The following ZNF143 variants were observed in gnomAD, a reference collection of about 807,000 sequenced individuals.
The protein encoded by ZNF143 is SPH-binding factor.
ZNF143 carries 49 observed loss-of-function variants against 74.1 expected under a neutral mutation model. The observed-to-expected ratio is 0.66, with a 90% confidence interval of 0.53 to 0.84. The LOEUF (loss-of-function observed/expected upper bound fraction) is 0.84, where lower values mean the gene tolerates loss of function less well. ZNF143 is among the 40% of genes least tolerant of loss of function. The probability of loss-of-function intolerance (pLI) is 0.00; values close to 1 mark genes in which losing one functional copy is unlikely to be tolerated. For synonymous variants in ZNF143, 304 were observed against 282.8 expected, an observed-to-expected ratio of 1.07 and a Z score of -0.75; for missense variants, 637 against 793.4, an observed-to-expected ratio of 0.80 and a Z score of 2.37.
At chr11:9,522,008 G>A (rs1848947570) in intron 14 of ZNF143, among the ~76,000 whole-genome samples, 1 of 148,696 alleles carries the variant, frequency 6.7e-6, no homozygotes, top group Admixed American at 6.8e-5. Flanking sequence ...AGAGGTTGCA[G>A]TGAACTGAGG....
intron 5 of ZNF143, among the ~76,000 whole-genome samples, chr11:9,475,830 G>C (rs1217205441): frequency 6.6e-6 from 1 of 151,990 alleles, no homozygotes; most frequent in Non-Finnish European, 1.5e-5. Context: ...CCAGGAGGTA[G>C]AGGTTGCAGT....
chr11:9,473,258 G>A (rs1856689473), intron 3 of ZNF143, among the ~76,000 whole-genome samples: 1 of 151,906 alleles, frequency 6.6e-6, no homozygotes, highest in African/African-American at 2.4e-5. Context: ...GGGCATGGTG[G>A]CGCATGCCTG....
intron 7 of ZNF143, among the ~76,000 whole-genome samples, chr11:9,492,941 A>G (rs1014083285): frequency 1.3e-5 from 2 of 152,206 alleles, no homozygotes; most frequent in African/African-American, 4.8e-5. Flanking sequence ...GAATGATGAC[A>G]ACAGGCCTCA....
intron 13 of ZNF143, among the ~76,000 whole-genome samples, chr11:9,515,520 G>T (rs985237862): frequency 1.3e-5 from 2 of 151,924 alleles, no homozygotes; most frequent in African/African-American, 4.8e-5. Context: ...TGGGCGTGGT[G>T]GTGGGCTCCT....
intron 1 of ZNF143, among the ~76,000 whole-genome samples, chr11:9,467,139 G>T (rs890603786): frequency 4.6e-5 from 7 of 151,092 alleles, no homozygotes; most frequent in Non-Finnish European, 8.9e-5. Context: ...TGATCCACCC[G>T]CCTTGGCCTC....
At chr11:9,482,672 T>A (rs1280507480) in intron 7 of ZNF143, among the ~76,000 whole-genome samples, 5 of 120,142 alleles carry the variant, frequency 4.2e-5, no homozygotes, top group Admixed American at 1.7e-4. Context: ...TTTTTTTTTT[T>A]ACTGTAGCTT....
chr11:9,495,181 T>A (rs1847917064), intron 8 of ZNF143, among the ~76,000 whole-genome samples: 1 of 152,192 alleles, frequency 6.6e-6, no homozygotes, highest in Admixed American at 6.6e-5. Flanking sequence ...TGGTGGCTCA[T>A]GCCTGTAATC....
chr11:9,495,895 C>G (rs1847940798), intron 8 of ZNF143, among the ~76,000 whole-genome samples: 1 of 152,138 alleles, frequency 6.6e-6, no homozygotes. Context: ...AAGGCAAGTG[C>G]CCATGGCCAC....
intron 3 of ZNF143, 147 bp downstream of exon 3, chr11:9,472,916 T>A: frequency 9.5e-6 from 3 of 316,776 alleles, no homozygotes; most frequent in Non-Finnish European, 1.6e-5. Flanking sequence ...GTTTAATTCT[T>A]TTTTTTTTTT....
intron 10 of ZNF143, among the ~76,000 whole-genome samples, chr11:9,499,769 TAAAG>T (rs1176459265): frequency 1.3e-5 from 2 of 152,204 alleles, no homozygotes; most frequent in Non-Finnish European, 2.9e-5. Flanking sequence ...TCTGTCTATA[TAAAG>T]AGAGATTTTT....
chr11:9,524,749 A>T (rs1254783344), intron 14 of ZNF143, among the ~76,000 whole-genome samples: 1 of 152,200 alleles, frequency 6.6e-6, no homozygotes, highest in Non-Finnish European at 1.5e-5. Context: ...GGAAATGAGT[A>T]TGAGATGAGA....
intron 5 of ZNF143, among the ~76,000 whole-genome samples, chr11:9,475,204 C>T (rs1479393796): frequency 6.6e-6 from 1 of 152,092 alleles, no homozygotes; most frequent in Non-Finnish European, 1.5e-5. Context: ...AGCCTTGGCT[C>T]CTTTTTTAAA....
chr11:9,525,211 T>A, intron 14 of ZNF143, 29 bp from the exon 15 acceptor site: 1 of 1,613,504 alleles, frequency 6.2e-7, no homozygotes, highest in Non-Finnish European at 8.5e-7. Flanking sequence ...TAATTCTTTA[T>A]GTGTATGGTT....
intron 2 of ZNF143, among the ~76,000 whole-genome samples, chr11:9,471,978 G>A (rs1856604288): frequency 6.6e-6 from 1 of 150,928 alleles, no homozygotes; most frequent in Admixed American, 6.6e-5. Flanking sequence ...CGCCCAGGCT[G>A]GAGTGCAGTG....
At chr11:9,481,425 C>G (rs1847233656) in intron 7 of ZNF143, among the ~76,000 whole-genome samples, 1 of 152,014 alleles carries the variant, frequency 6.6e-6, no homozygotes, top group Non-Finnish European at 1.5e-5. Context: ...ATTTTTTATA[C>G]AGTTCTATGT....
At chr11:9,486,901 C>G (rs528945870) in intron 7 of ZNF143, among the ~76,000 whole-genome samples, 54 of 149,310 alleles carry the variant, frequency 3.6e-4, no homozygotes, top group African/African-American at 1.4e-3. Context: ...ATCTCCTGAC[C>G]TCGTGATCCA....
At chr11:9,496,654 T>G (rs1255886520) in intron 9 of ZNF143, among the ~76,000 whole-genome samples, 1 of 151,948 alleles carries the variant, frequency 6.6e-6, no homozygotes, top group African/African-American at 2.4e-5. Context: ...TTGGGTGCAG[T>G]GGCAGGATCT....
At chr11:9,507,548 A>G (rs900758214) in intron 11 of ZNF143, among the ~76,000 whole-genome samples, 1 of 152,196 alleles carries the variant, frequency 6.6e-6, no homozygotes, top group Non-Finnish European at 1.5e-5. Context: ...CACTGAGCCC[A>G]AGACTGAGGG....
chr11:9,502,191 C>G (rs1321517975), intron 11 of ZNF143, among the ~76,000 whole-genome samples: 2 of 146,242 alleles, frequency 1.4e-5, no homozygotes, highest in South Asian at 4.3e-4. Flanking sequence ...CCGCCTCGGC[C>G]TCTCAAAGTG....
Sources: gnomAD v4.1 joint callset for allele counts (sites outside exome capture counted in the v4.1 genomes callset) on GRCh38, gnomAD v4.1.1 for gene constraint, MANE v1.5 for transcripts, NCBI Gene and HGNC (gene_info 2026-07-23, HGNC 2026-07-21) for gene names.